Variants in ANO1 observed in about 807,000 individuals in gnomAD.
ANO1 encodes the protein anoctamin-1.
ANO1 carries 59 observed loss-of-function variants against 124.0 expected under a neutral mutation model. The observed-to-expected ratio is 0.48, with a 90% CI of 0.39 to 0.59. The LOEUF (loss-of-function observed/expected upper bound fraction) is 0.59. Among genes scored for constraint, ANO1 ranks in the 20% least tolerant of loss-of-function variants. ANO1 has a pLI of 0.00. For synonymous variants in ANO1, 529 were observed against 532.0 expected, an observed-to-expected ratio of 0.99 and a Z score of 0.08; for missense variants, 1,059 against 1,328.0, an observed-to-expected ratio of 0.80 and a Z score of 3.15.
intron 7 of ANO1, among the ~76,000 whole-genome samples, chr11:70,115,501 T>C (rs1321989867): frequency 1.3e-5 from 2 of 152,182 alleles, no homozygotes; most frequent in South Asian, 2.1e-4. Context: ...TAGTCCCGGC[T>C]ACTTGGGAGG....
chr11:70,179,889 C>A, intron 22 of ANO1, 115 bp from the exon 23 acceptor site: 1 of 941,288 alleles, frequency 1.1e-6, no homozygotes, highest in Non-Finnish European at 1.7e-6. Flanking sequence ...AAGCCTCTGA[C>A]TGCTGTGAGA....
At chr11:70,170,726 A>C (rs1565274317) in intron 21 of ANO1, among the ~76,000 whole-genome samples, 161 bp from the exon 22 acceptor site, 1 of 152,146 alleles carries the variant, frequency 6.6e-6, no homozygotes, top group Non-Finnish European at 1.5e-5. Flanking sequence ...GGTCCATCCC[A>C]AGAGCTCATC....
At chr11:70,107,760 C>A (rs571311187) in intron 5 of ANO1, among the ~76,000 whole-genome samples, 5 of 152,108 alleles carry the variant, frequency 3.3e-5, no homozygotes, top group African/African-American at 9.7e-5. Context: ...GGCCACCAAA[C>A]AAAACACGTC....
At chr11:70,130,150 A>C (rs1284555319) in intron 10 of ANO1, among the ~76,000 whole-genome samples, 38 of 152,132 alleles carry the variant, frequency 2.5e-4, no homozygotes, top group Admixed American at 2.5e-3. Context: ...CTCCGACCCA[A>C]CCAGCCAGGG....
At chr11:70,029,215 C>T (rs1456352240) in intron 1 of ANO1, among the ~76,000 whole-genome samples, 4 of 152,200 alleles carry the variant, frequency 2.6e-5, no homozygotes, top group Non-Finnish European at 5.9e-5. Context: ...CCTTCCATGC[C>T]TGGTGGTGGG....
intron 1 of ANO1, among the ~76,000 whole-genome samples, chr11:69,997,910 C>G (rs1304798157): frequency 1.3e-5 from 2 of 152,196 alleles, no homozygotes; most frequent in African/African-American, 2.4e-5. Flanking sequence ...GTTTCCTGTA[C>G]AGCCTGCGGA....
At position 70,159,621 on chromosome 11, in the gene ANO1, C is replaced by T. The variant is rs1445095066; in HGVS notation, c.1579-1540C>T. Among the ~76,000 whole-genome samples the T allele has an allele frequency of 5.3e-5, 8 of 152,208 alleles. No individual in the cohort carries two copies. The East Asian group carries it at 1.5e-3, about 29-fold the overall frequency. On this transcript the variant is annotated intron_variant, in intron 16 of 25. Transcript: ENST00000355303. ...GTCCTGGGGATGCGGGGGAGATGGA[C>T]CAGGGAGACTGGAAGGGAGCCTGCT...
chr11:70,027,602 G>A (rs547739625), intron 1 of ANO1, among the ~76,000 whole-genome samples: 20 of 152,340 alleles, frequency 1.3e-4, no homozygotes, highest in African/African-American at 4.8e-4. Flanking sequence ...CCAGCATGTG[G>A]AACAGGATCT....
the ANO1 span, among the ~76,000 whole-genome samples, chr11:69,976,824 C>T: frequency 5.9e-5 from 9 of 152,324 alleles, no homozygotes; most frequent in East Asian, 1.9e-4. Context: ...AGGCCCTGAC[C>T]GGCCCGGGCC....
At position 70,078,619 on chromosome 11, in the gene ANO1, GAGA is replaced by G. The variant is rs1002555397; in HGVS notation, c.16_18del (p.Lys6del). On this transcript the variant is annotated inframe_deletion, in exon 1 of 26. Coordinates refer to ENST00000355303, the MANE Select transcript of ANO1 (RefSeq NM_018043.7). ...ACAGGCGGCCACGATGAGGGTCAAC[GAGA>G]AGTACTCGACGCTCCCGGCCGAGGA... is the stretch of plus-strand genomic sequence containing the variant. 2 of 1,494,260 alleles carry G rather than the reference GAGA, an allele frequency of 1.3e-6. No homozygotes were observed. Among genetic ancestry groups the G allele is most frequent in the Admixed American group, 2.0e-5 (1 of 51,054 alleles). The allele number at this position is 1,494,260 out of a possible 1,614,324, so 92.6% of individuals were successfully genotyped here. A position where few individuals can be genotyped will look rare whatever the true frequency, so the allele number is the denominator to read the frequency against.
At chr11:70,013,800 T>A (rs1565160701) in intron 1 of ANO1, among the ~76,000 whole-genome samples, 3 of 14,856 alleles carry the variant, frequency 2.0e-4, no homozygotes, top group Non-Finnish European at 4.1e-4. Context: ...AGCCTCCATC[T>A]AAAAAAAAGA....
chr11:70,075,442 G>T (rs553466105), upstream of ANO1: 1 of 150,324 alleles, frequency 6.7e-6, no homozygotes, highest in South Asian at 2.1e-4. Flanking sequence ...AAGATGACAC[G>T]CAAATTCATG....
chr11:70,125,705 G>T (rs570182023), intron 9 of ANO1, among the ~76,000 whole-genome samples: 3 of 151,254 alleles, frequency 2.0e-5, no homozygotes, highest in Non-Finnish European at 2.9e-5. Flanking sequence ...TTAGCCGGGC[G>T]TGGTGGCGGG....
intron 1 of ANO1, 27 bp downstream of exon 1, chr11:70,078,741 C>G: frequency 1.4e-6 from 2 of 1,410,218 alleles, no homozygotes; most frequent in Non-Finnish European, 1.9e-6. Flanking sequence ...GCGACCCGGG[C>G]GGGAGGGCCG....
At chr11:70,047,941 G>A (rs1555005866) in intron 1 of ANO1, among the ~76,000 whole-genome samples, 1 of 152,212 alleles carries the variant, frequency 6.6e-6, no homozygotes, top group Non-Finnish European at 1.5e-5. Context: ...GAATGAGAAT[G>A]TTTTAAATCA....
At chr11:70,089,180 C>G (rs2044521082) in intron 2 of ANO1, among the ~76,000 whole-genome samples, 1 of 152,176 alleles carries the variant, frequency 6.6e-6, no homozygotes, top group African/African-American at 2.4e-5. Flanking sequence ...GCGGATTACC[C>G]AAGAATCGAC....
intron 3 of ANO1, 43 bp downstream of exon 3, chr11:70,103,207 A>G: frequency 6.6e-7 from 1 of 1,519,212 alleles, no homozygotes; most frequent in African/African-American, 1.4e-5. Flanking sequence ...CGCCAAGTCT[A>G]GAGGTCACTT....
chr11:70,011,438 A>G (rs1856596925), intron 1 of ANO1, among the ~76,000 whole-genome samples: 2 of 152,214 alleles, frequency 1.3e-5, no homozygotes, highest in Admixed American at 1.3e-4. Flanking sequence ...CCATGCTGCC[A>G]GTATGTGCCA....
At chr11:70,178,909 C>T (rs75143716) in intron 22 of ANO1, among the ~76,000 whole-genome samples, 3,489 of 152,352 alleles carry the variant, frequency 0.023, 82 homozygotes, top group Non-Finnish European at 0.033. Flanking sequence ...TGTGATCTAT[C>T]ATTGAATTGA....
Sources: allele counts gnomAD v4.1 joint callset (sites outside exome capture counted in the v4.1 genomes callset), GRCh38; gene constraint gnomAD v4.1.1; transcripts MANE v1.5; gene names NCBI Gene and HGNC (gene_info 2026-07-23, HGNC 2026-07-21).